The following LMX1B variants were observed in gnomAD, a reference collection of about 807,000 sequenced individuals.
LMX1B encodes LIM homeobox transcription factor 1-beta.
Under a neutral mutation model 51.4 loss-of-function variants are expected in LMX1B, and 12 were observed. The ratio of observed to expected loss-of-function variants is 0.23; its 90% confidence interval spans 0.15 to 0.38. The LOEUF (loss-of-function observed/expected upper bound fraction) is 0.38, where lower values mean the gene tolerates loss of function less well. Ranked by LOEUF, LMX1B falls within the 10% of genes least tolerant of loss-of-function variation. LMX1B has a pLI of 1.00. For missense variants in LMX1B, 445 were observed against 571.1 expected (o/e 0.78, Z 2.25); for synonymous variants, 237 against 235.4 (o/e 1.01, Z -0.06).
intron 2 of LMX1B, among the ~76,000 whole-genome samples, chr9:126,647,441 A>G (rs137891755): frequency 1.8e-3 from 281 of 152,232 alleles, no homozygotes; most frequent in Non-Finnish European, 2.9e-3. Context: ...TGCATTTTTC[A>G]CTTGCCCGTT....
chr9:126,666,568 T>TTAA (rs1554726210), intron 2 of LMX1B, among the ~76,000 whole-genome samples: 2 of 151,526 alleles, frequency 1.3e-5, no homozygotes, highest in Non-Finnish European at 2.9e-5. Context: ...AAACAGGTTG[T>TTAA]TAATAGCAAT....
At chr9:126,620,307 C>G (rs1240970898) in intron 2 of LMX1B, among the ~76,000 whole-genome samples, 1 of 152,192 alleles carries the variant, frequency 6.6e-6, no homozygotes, top group East Asian at 1.9e-4. Context: ...GAGTTCACCT[C>G]CCAGCCCCAA....
intron 2 of LMX1B, among the ~76,000 whole-genome samples, chr9:126,631,509 G>T (rs4073437): frequency 6.7e-6 from 1 of 150,274 alleles, no homozygotes; most frequent in Non-Finnish European, 1.5e-5. Flanking sequence ...GGCTCAGCTC[G>T]GCCGGCCGGG....
chr9:126,696,319 C>G lies in LMX1B; in HGVS notation c.1077C>G (p.Ile359Met). ...PYGNDSIFHD[I>M]DSDTSLTSLS... ...GGAACGACTCCATCTTCCATGACAT[C>G]GACAGCGATACCTCCTTAACCAGCC... The change falls in exon 8 of 8, where the codon ATC (isoleucine) becomes ATG (methionine). Residue 359 changes from isoleucine to methionine, a missense_variant. Ile to Met is a conservative substitution (Grantham distance 10, BLOSUM62 1). This residue lies in a region of LMX1B where 162 missense variants were observed against 187.8 expected (regional missense o/e 0.86). Coordinates refer to ENST00000373474, the MANE Select transcript of LMX1B (RefSeq NM_001174147.2). The G allele has an allele frequency of 6.2e-7, 1 of 1,614,090 alleles. No individual in the cohort carries two copies. The highest frequency in any genetic ancestry group is 1.7e-5 in the Admixed American group (1 of 60,030).
chr9:126,670,329 C>T (rs888366423), intron 2 of LMX1B, among the ~76,000 whole-genome samples: 18 of 152,202 alleles, frequency 1.2e-4, no homozygotes, highest in African/African-American at 4.3e-4. Context: ...AGCAGTTGTG[C>T]GTGCATGTAA....
At chr9:126,670,079 G>A (rs1423608936) in intron 2 of LMX1B, among the ~76,000 whole-genome samples, 1 of 152,184 alleles carries the variant, frequency 6.6e-6, no homozygotes, top group African/African-American at 2.4e-5. Context: ...CACTGGGAGG[G>A]CCCTAACCCA....
Position 126,614,413 on chromosome 9 carries a change from G to C in LMX1B, c.-37G>C. ...GGGTGGACGGGCCGGCGGGCGAGCA[G>C]CCCGGCCGGCGGGGTCCGCAGCGCG... On this transcript the variant is annotated 5_prime_UTR_variant, in exon 1 of 8. Coordinates refer to ENST00000373474, the MANE Select transcript of LMX1B (RefSeq NM_001174147.2). 1 of 1,419,710 alleles carries C rather than the reference G, an allele frequency of 7.0e-7. No homozygotes were observed. The allele number at this position is 1,419,710 out of a possible 1,614,324, so 87.9% of individuals were successfully genotyped here.
At chr9:126,679,383 G>A (rs535593075) in intron 2 of LMX1B, among the ~76,000 whole-genome samples, 6 of 152,210 alleles carry the variant, frequency 3.9e-5, no homozygotes, top group African/African-American at 1.4e-4. Flanking sequence ...TGGGTAGCTG[G>A]TTGAGAGGGT....
intron 2 of LMX1B, among the ~76,000 whole-genome samples, chr9:126,665,222 C>T (rs1470698961): frequency 1.3e-5 from 2 of 152,260 alleles, no homozygotes; most frequent in Admixed American, 6.5e-5. Context: ...GCCGGTCCCC[C>T]TCCTCCACGG....
At chr9:126,696,273 G>T in intron 7 of LMX1B, 21 bp from the exon 8 acceptor site, 1 of 1,612,840 alleles carries the variant, frequency 6.2e-7, no homozygotes, top group East Asian at 2.2e-5. Flanking sequence ...CCCCGGTCCT[G>T]ACACCCCTTC....
intron 2 of LMX1B, among the ~76,000 whole-genome samples, chr9:126,650,163 G>A (rs780198953): frequency 6.6e-6 from 1 of 152,152 alleles, no homozygotes; most frequent in African/African-American, 2.4e-5. Flanking sequence ...GGGGACTCCT[G>A]AGCCCACTGA....
intron 2 of LMX1B, among the ~76,000 whole-genome samples, chr9:126,657,149 A>C (rs1836133104): frequency 6.6e-6 from 1 of 152,224 alleles, no homozygotes; most frequent in South Asian, 2.1e-4. Flanking sequence ...GATTTTGAAA[A>C]AGTAAAATAA....
At chr9:126,686,980 G>A (rs887609235) in intron 2 of LMX1B, among the ~76,000 whole-genome samples, 7 of 152,290 alleles carry the variant, frequency 4.6e-5, no homozygotes, top group Non-Finnish European at 1.0e-4. Context: ...GCCGGAACCC[G>A]GGGTGGTGGT....
At chr9:126,656,090 A>G (rs1280200659) in intron 2 of LMX1B, among the ~76,000 whole-genome samples, 1 of 152,236 alleles carries the variant, frequency 6.6e-6, no homozygotes, top group Non-Finnish European at 1.5e-5. Flanking sequence ...GGTGGAAGGA[A>G]AAATGGGATG....
rs55770306 is a variant in LMX1B at position 126,625,754 on chromosome 9, C to A, written c.326+10185C>A. Among the ~76,000 whole-genome samples, 30,146 of 152,176 alleles carry A rather than the reference C, an allele frequency of 0.2. 3,455 individuals carry two copies. Among genetic ancestry groups the A allele is most frequent in the Non-Finnish European group, 0.25 (17,064 of 67,962 alleles). The stretch of plus-strand genomic sequence containing the variant: ...TCCCACCGTTTGCAGGGCTTTCCTG[C>A]GGCGCTCTGGCCGCAGAGACCCAGC... On this transcript the variant is annotated intron_variant, in intron 2 of 7. Coordinates refer to ENST00000373474, the MANE Select transcript of LMX1B (RefSeq NM_001174147.2). This position sits in a 1 kb window ranked among gnomAD's most constrained non-coding sequence, Gnocchi z 5.3.
chr9:126,619,050 G>T (rs1170434447), intron 2 of LMX1B, among the ~76,000 whole-genome samples: 3 of 152,198 alleles, frequency 2.0e-5, no homozygotes, highest in African/African-American at 7.2e-5. Context: ...CGCCGGGCCC[G>T]CTGGGGGCCC....
intron 2 of LMX1B, among the ~76,000 whole-genome samples, chr9:126,657,376 G>A (rs1388324844): frequency 6.6e-6 from 1 of 152,198 alleles, no homozygotes; most frequent in Non-Finnish European, 1.5e-5. Flanking sequence ...CATGAAATAG[G>A]CAAAGCATAT....
chr9:126,615,831 G>T lies in LMX1B; in HGVS notation c.326+262G>T, dbSNP rs922752944. ...GAATCCTGCGCTGGGCCGGCCGAGG[G>T]ATTTGGTGCCTGGGTCCTGGGATAT... is the stretch of plus-strand genomic sequence containing the variant. On this transcript the variant is annotated intron_variant, in intron 2 of 7. Coordinates refer to ENST00000373474, the MANE Select transcript of LMX1B (RefSeq NM_001174147.2). The surrounding 1 kb of genome is among the most constrained non-coding windows in gnomAD (Gnocchi z 6.0). 6.6e-6 allele frequency among the ~76,000 whole-genome samples: 1 copy of T among 152,256 alleles called. No homozygotes were observed. Among genetic ancestry groups the T allele is most frequent in the Non-Finnish European group, 1.5e-5 (1 of 68,042 alleles).
At chr9:126,682,083 C>CTTT (rs71377953) in intron 2 of LMX1B, among the ~76,000 whole-genome samples, 127 of 53,360 alleles carry the variant, frequency 2.4e-3, no homozygotes, top group Middle Eastern at 0.025. Context: ...TCCCCAGGGT[C>CTTT]TTTTTTTTTT....
Sources: gnomAD v4.1 joint callset for allele counts (sites outside exome capture counted in the v4.1 genomes callset) on GRCh38, gnomAD v4.1.1 for gene constraint, gnomAD v4.1.1 regional missense constraint, Gnocchi (gnomAD v3.1) non-coding constraint, MANE v1.5 for transcripts, NCBI Gene and HGNC (gene_info 2026-07-23, HGNC 2026-07-21) for gene names.